GDPD4: variants seen among roughly 807,000 people sequenced by gnomAD.
GDPD4 encodes the protein glycerophosphodiester phosphodiesterase domain containing 4, also known as glycerophosphodiester phosphodiesterase 6.
In GDPD4, 60 loss-of-function variants were observed where a neutral mutation model predicts 67.8. The ratio of observed to expected loss-of-function variants is 0.88; its 90% CI spans 0.72 to 1.10. GDPD4 has a LOEUF of 1.10. Among genes scored for constraint, GDPD4 ranks in the 50% least tolerant of loss-of-function variants. The pLI, the probability that GDPD4 is intolerant of heterozygous loss-of-function variation, is 0.00. For missense variants in GDPD4, 623 were observed against 613.9 expected (o/e 1.01, Z -0.16); for synonymous variants, 212 against 210.9 (o/e 1.00, Z -0.04).
chr11:77,297,163 A>G (rs1591587537), intron 1 of GDPD4, among the ~76,000 whole-genome samples: 1 of 152,256 alleles, frequency 6.6e-6, no homozygotes, highest in East Asian at 1.9e-4. Flanking sequence ...CATCTAAAAG[A>G]AGAGAAAGCA....
At chr11:77,251,002 AATATCT>A (rs1958883985) in intron 11 of GDPD4, among the ~76,000 whole-genome samples, 1 of 152,072 alleles carries the variant, frequency 6.6e-6, no homozygotes, top group Non-Finnish European at 1.5e-5. Flanking sequence ...GTTTGCATGG[AATATCT>A]ATCCCTTCAC....
intron 16 of GDPD4, among the ~76,000 whole-genome samples, chr11:77,217,822 A>T (rs1000076453): frequency 3.9e-5 from 6 of 152,210 alleles, no homozygotes; most frequent in Non-Finnish European, 8.8e-5. Flanking sequence ...TCCTTCTACC[A>T]AAGACAAATT....
In GDPD4 at chr11:77,243,733, A is replaced by C. The variant is rs139634188; in HGVS notation, c.1202T>G (p.Ile401Arg). ...ETLAKNNISI[I>R]NVDYKKLFPN... ...GAACAACTTCTTGTAGTCAACATTT[A>C]TTATACTGATATTGTTTTTAGCAAG... Residue 401 changes from isoleucine to arginine, a missense_variant, in exon 13 of 17, where the codon ATA becomes AGA. Coordinates refer to ENST00000315938, the MANE Select transcript of GDPD4 (RefSeq NM_182833.3). 1 of 1,601,580 alleles carries C rather than the reference A, an allele frequency of 6.2e-7. No individual in the cohort carries two copies. Among genetic ancestry groups the C allele is most frequent in the Admixed American group, 1.7e-5 (1 of 59,094 alleles).
In GDPD4 at chr11:77,255,851, A is replaced by G. The variant is rs149654818; in HGVS notation, c.864+2535T>C. On this transcript the variant is annotated intron_variant, in intron 11 of 16. Transcript: ENST00000315938. ...CACCGCATTCCACCCTGGGCTACAG[A>G]GCGAGACTCTGTCTCAAAAATAAAT... 3.9e-3 allele frequency among the ~76,000 whole-genome samples: 589 copies of G among 152,308 alleles called. 2 individuals carry two copies. Among genetic ancestry groups the G allele is most frequent in the African/African-American group, 0.013 (557 of 41,562 alleles).
At chr11:77,235,012 T>TG (rs1283314471) in intron 13 of GDPD4, among the ~76,000 whole-genome samples, 2 of 47,158 alleles carry the variant, frequency 4.2e-5, no homozygotes, top group Non-Finnish European at 8.6e-5. Flanking sequence ...AATATCTGTT[T>TG]TTTTTTTTTT....
At chr11:77,281,605 T>TG (rs1235365482) in intron 3 of GDPD4, among the ~76,000 whole-genome samples, 1 of 152,192 alleles carries the variant, frequency 6.6e-6, no homozygotes, top group African/African-American at 2.4e-5. Flanking sequence ...GTGTAGCATT[T>TG]GGGGTAATTT....
intron 13 of GDPD4, among the ~76,000 whole-genome samples, chr11:77,238,331 C>A (rs1465915128): frequency 6.6e-6 from 1 of 152,098 alleles, no homozygotes; most frequent in Non-Finnish European, 1.5e-5. Context: ...TGCCTGTAAT[C>A]CCAGCACTTT....
At position 77,243,567 on chromosome 11, in the gene GDPD4, G is replaced by T. The variant is rs1360382322; in HGVS notation, c.1241+127C>A. The T allele has an allele frequency of 1.1e-5, 9 of 795,272 alleles. No homozygotes were observed. The East Asian group carries it at 2.3e-4, about 20-fold the overall frequency. 49.3% of individuals were successfully genotyped at this position (795,272 alleles called of 1,614,324 possible). On this transcript the variant is annotated intron_variant, in intron 13 of 16. Transcript: ENST00000315938. ...AGGAAGGGGTAGGAAAAAGAAAGGA[G>T]ATTCAAAGGAGATAACCACACACAG...
intron 16 of GDPD4, among the ~76,000 whole-genome samples, chr11:77,224,041 C>T (rs1321246554): frequency 2.6e-5 from 4 of 152,194 alleles, no homozygotes; most frequent in Admixed American, 1.3e-4. Context: ...TTGCTAAGAC[C>T]GTTGGAAAAG....
At chr11:77,283,114 T>C (rs894298727) in intron 3 of GDPD4, among the ~76,000 whole-genome samples, 1 of 152,122 alleles carries the variant, frequency 6.6e-6, no homozygotes, top group African/African-American at 2.4e-5. Flanking sequence ...AGATCACAAA[T>C]GGGGGATGGC....
chr11:77,295,062 A>C (rs1221272023), intron 1 of GDPD4, among the ~76,000 whole-genome samples: 1 of 143,904 alleles, frequency 6.9e-6, no homozygotes, highest in Non-Finnish European at 1.5e-5. Flanking sequence ...TCTGCCTCCC[A>C]GGAGCAATTA....
chr11:77,276,093 G>C, intron 5 of GDPD4, 68 bp downstream of exon 5: 1 of 1,095,126 alleles, frequency 9.1e-7, no homozygotes, highest in South Asian at 1.2e-5. Flanking sequence ...GTACCAAGGA[G>C]CATGTTCAGG....
Position 77,298,893 on chromosome 11 carries a change from T to C in GDPD4, c.-254+2712A>G, listed in dbSNP as rs1301222940. Among the ~76,000 whole-genome samples the C allele has an allele frequency of 3.9e-5, 6 of 152,178 alleles. 1 individual carries two copies. Among genetic ancestry groups the C allele is most frequent in the Non-Finnish European group, 7.4e-5 (5 of 68,020 alleles). Reference sequence around the variant, plus strand: ...TCAGGTTGGAAAGAAAATCATGATATATAGGGTTAAATAAAACACATCTGA... The same window carrying C: ...TCAGGTTGGAAAGAAAATCATGATACATAGGGTTAAATAAAACACATCTGA... On this transcript the variant is annotated intron_variant, in intron 1 of 16. Coordinates refer to ENST00000315938, the MANE Select transcript of GDPD4 (RefSeq NM_182833.3).
chr11:77,283,509 T>G (rs536814899), intron 3 of GDPD4, among the ~76,000 whole-genome samples: 1 of 152,164 alleles, frequency 6.6e-6, no homozygotes, highest in East Asian at 1.9e-4. Context: ...ATTTTAAAAT[T>G]TATAAATATA....
In GDPD4 at chr11:77,277,391, C is replaced by CTTTTTTTTTTTTTTTTTTTTTT. The variant is rs71043564; in HGVS notation, c.148-1193_148-1172dup. On this transcript the variant is annotated intron_variant, in intron 4 of 16. Coordinates refer to ENST00000315938, the MANE Select transcript of GDPD4 (RefSeq NM_182833.3). ...ACAAACCTCTTTTCAGCCATGTTTCCTTTTTTTTTTTTTTTTTTTTTTTTT... is the reference window on the plus strand; with the variant it reads ...ACAAACCTCTTTTCAGCCATGTTTCCTTTTTTTTTTTTTTTTTTTTTTTTTTTTTTTTTTTTTTTTTTTTTTT... Among the ~76,000 whole-genome samples, 8 of 58,346 alleles carry CTTTTTTTTTTTTTTTTTTTTTT rather than the reference C, an allele frequency of 1.4e-4. 3 individuals carry two copies. The highest frequency in any genetic ancestry group is 1.5e-4 in the Non-Finnish European group (5 of 32,394). The allele number at this position is 58,346 out of a possible 152,430, so 38.3% of individuals were successfully genotyped here.
intron 1 of GDPD4, among the ~76,000 whole-genome samples, chr11:77,290,684 T>C (rs959875048): frequency 2.0e-5 from 3 of 152,180 alleles, no homozygotes; most frequent in African/African-American, 7.2e-5. Flanking sequence ...TAAATAATTA[T>C]GCACCTCAAG....
Position 77,217,319 on chromosome 11 carries a change from G to A in GDPD4, c.1526-5C>T, listed in dbSNP as rs764088439. 2.5e-6 allele frequency: 4 copies of A among 1,602,218 alleles called. No homozygotes were observed. The highest frequency in any genetic ancestry group is 1.1e-5 in the South Asian group (1 of 90,810). On this transcript the variant is annotated splice_region_variant and splice_polypyrimidine_tract_variant and intron_variant, in intron 16 of 16. Coordinates refer to ENST00000315938, the MANE Select transcript of GDPD4 (RefSeq NM_182833.3). ...TCTTACTTCCACTCTGAGTATCTGT[G>A]GGATGGAAAAGACACAGATTCCTCA...
intron 4 of GDPD4, among the ~76,000 whole-genome samples, chr11:77,276,448 T>A (rs191027554): frequency 2.6e-4 from 39 of 152,294 alleles, no homozygotes; most frequent in Non-Finnish European, 3.1e-4. Flanking sequence ...CACCTCCTAT[T>A]TATAACTTTC....
rs1959216714 is a variant in GDPD4, at chr11:77,271,139, C to T, written c.391G>A (p.Glu131Lys). 2.5e-6 allele frequency: 4 copies of T among 1,609,168 alleles called. No individual in the cohort carries two copies. Among genetic ancestry groups the T allele is most frequent in the South Asian group, 1.1e-5 (1 of 90,564 alleles). Reference protein sequence around the residue: ...WPVAFYVACLEREVRMRRYRM... With the variant: ...WPVAFYVACLKREVRMRRYRM... ...GCCCTATGTGACATACCTTCTCTTT[C>T]CAAACATGCCACGTAGAAGGCCACA... The change falls in exon 7 of 17, where the codon GAA becomes AAA. Residue 131 changes from glutamate (E) to lysine (K), a missense_variant. Physicochemically the swap from Glu to Lys is moderately conservative, Grantham distance 56 (BLOSUM62 1). Coordinates refer to ENST00000315938, the MANE Select transcript of GDPD4 (RefSeq NM_182833.3).
Sources: allele counts gnomAD v4.1 joint callset (sites outside exome capture counted in the v4.1 genomes callset), GRCh38; gene constraint gnomAD v4.1.1; transcripts MANE v1.5; gene names NCBI Gene and HGNC (gene_info 2026-07-23, HGNC 2026-07-21).